Variants in GASK1B observed in about 807,000 individuals in gnomAD.
GASK1B encodes golgi associated kinase 1B, also known as Golgi-associated kinase 1B.
GASK1B carries 34 observed loss-of-function variants against 42.8 expected under a neutral mutation model. The ratio of observed to expected loss-of-function variants is 0.79; its 90% CI spans 0.60 to 1.06. The LOEUF is 1.06. GASK1B is among the 50% of genes least tolerant of loss of function. The pLI, the probability that GASK1B is intolerant of heterozygous loss-of-function variation, is 0.00. For missense variants in GASK1B, 686 were observed against 661.0 expected (o/e 1.04, Z -0.42); for synonymous variants, 262 against 259.1 (o/e 1.01, Z -0.11).
rs1730494216 is a variant in GASK1B, at chr4:158,127,344, G to T, written c.*63C>A. 14 of 1,421,016 alleles carry T rather than the reference G, an allele frequency of 9.9e-6. No individual in the cohort carries two copies. In the South Asian group the frequency reaches 1.2e-4, roughly 13 times the overall value. The allele number at this position is 1,421,016 out of a possible 1,614,324, so 88.0% of individuals were successfully genotyped here. On this transcript the variant is annotated 3_prime_UTR_variant, in exon 5 of 5. Transcript: ENST00000585682. ...AAACGGGCTTGAGGTTGATGTGCTTGATTTAAAAACAAAACCAAAAATGCA... is the reference window on the plus strand; with the variant it reads ...AAACGGGCTTGAGGTTGATGTGCTTTATTTAAAAACAAAACCAAAAATGCA...
Position 158,127,450 on chromosome 4 carries a change from T to C in GASK1B, c.1517A>G (p.Tyr506Cys), listed in dbSNP as rs750057950. 1.5e-5 allele frequency: 24 copies of C among 1,613,626 alleles called. No homozygotes were observed. The highest frequency in any genetic ancestry group is 1.6e-4 in the Middle Eastern group (1 of 6,078). Residue 506 changes from tyrosine (Y) to cysteine (C), a missense_variant, in exon 5 of 5, where the codon TAT becomes TGT. Transcript: ENST00000585682. ...TACTTTGACCCCGTGTGCATTGATA[T>C]AGGTGATAAGAATTTTGGCTCTGTG... The part of the protein sequence containing the change: ...IEHRAKILIT[Y>C]INAHGVKVLP...
chr4:158,159,378 G>C (rs1412012445), intron 2 of GASK1B: 4 of 300,338 alleles, frequency 1.3e-5, no homozygotes, highest in Non-Finnish European at 2.7e-5. Context: ...AGATCTCAGA[G>C]CAATGAGTAC....
chr4:158,130,733 G>A (rs1193993916), intron 4 of GASK1B, 53 bp downstream of exon 4: 2 of 1,337,040 alleles, frequency 1.5e-6, no homozygotes, highest in Non-Finnish European at 2.1e-6. Flanking sequence ...TCAGAACCTT[G>A]CTACTTATCT....
chr4:158,133,478 A>G (rs1730762469), intron 3 of GASK1B, among the ~76,000 whole-genome samples: 2 of 152,194 alleles, frequency 1.3e-5, no homozygotes, highest in Non-Finnish European at 2.9e-5. Flanking sequence ...AAGATACATA[A>G]CTACATTTGT....
In GASK1B at chr4:158,155,843, C is replaced by T. The variant is rs1731740126; in HGVS notation, c.911-18G>A. ...GCGGCCATCTATAGAATCAGAAAAA[C>T]AAACACACTTTCAGCACACTATTGA... On this transcript the variant is annotated intron_variant, in intron 2 of 4. Coordinates refer to ENST00000585682, the MANE Select transcript of GASK1B (RefSeq NM_001128424.2). The T allele has an allele frequency of 1.2e-6, 2 of 1,609,382 alleles. No individual in the cohort carries two copies. The highest frequency in any genetic ancestry group is 1.1e-5 in the South Asian group (1 of 90,896).
rs1412589726 is a variant in GASK1B, at chr4:158,130,901, C to G, written c.1237G>C (p.Ala413Pro). 6.2e-7 allele frequency: 1 copy of G among 1,613,988 alleles called. No homozygotes were observed. The highest frequency in any genetic ancestry group is 8.5e-7 in the Non-Finnish European group (1 of 1,179,994). The change falls in exon 4 of 5, where the codon GCA becomes CCA. Residue 413 changes from alanine to proline, a missense_variant. By Grantham distance (27) the Ala-to-Pro change is conservative. Transcript: ENST00000585682. ...KCDDQGSAAL[A>P]HIIQRKHDPR... ...TCATGCTTTCGCTGGATAATGTGTGCTAGAGCCGCAGAACCTTGGTCATCA... is the reference window on the plus strand; with the variant it reads ...TCATGCTTTCGCTGGATAATGTGTGGTAGAGCCGCAGAACCTTGGTCATCA...
chr4:158,145,734 A>G (rs1458294362), intron 3 of GASK1B, among the ~76,000 whole-genome samples: 2 of 152,200 alleles, frequency 1.3e-5, no homozygotes, highest in East Asian at 3.8e-4. Context: ...GGGCTGGAAA[A>G]TGGTCTCATT....
At chr4:158,154,696 G>A (rs1260572662) in intron 3 of GASK1B, among the ~76,000 whole-genome samples, 1 of 152,148 alleles carries the variant, frequency 6.6e-6, no homozygotes, top group African/African-American at 2.4e-5. Flanking sequence ...ATGAAATAAT[G>A]GCATTTGCAG....
intron 3 of GASK1B, among the ~76,000 whole-genome samples, chr4:158,153,167 T>G (rs1276536601): frequency 6.6e-6 from 1 of 152,076 alleles, no homozygotes; most frequent in African/African-American, 2.4e-5. Flanking sequence ...GATACAAAAT[T>G]AATGTACACA....
At chr4:158,135,416 T>C (rs1294026257) in intron 3 of GASK1B, among the ~76,000 whole-genome samples, 2 of 151,498 alleles carry the variant, frequency 1.3e-5, no homozygotes, top group Admixed American at 1.3e-4. Context: ...AATAGCAGTT[T>C]TATATTGAGT....
At chr4:158,169,881 C>G (rs762631687) in intron 2 of GASK1B, 14 of 204,188 alleles carry the variant, frequency 6.9e-5, no homozygotes, top group Non-Finnish European at 1.3e-4. Context: ...AACCACACAG[C>G]TAGTTAGTAT....
chr4:158,143,172 A>AT (rs1442858193), intron 3 of GASK1B, among the ~76,000 whole-genome samples: 36 of 152,300 alleles, frequency 2.4e-4, no homozygotes, highest in African/African-American at 7.5e-4. Context: ...AATGCCAATT[A>AT]TTTTCTTGAA....
chr4:158,138,157 A>G lies in GASK1B; in HGVS notation c.1126-7145T>C, dbSNP rs575464633. ...TCTATAGCTGCAATGTTTAAAATCC[A>G]TATACTGCACCTCTCAATAAGAACC... On this transcript the variant is annotated intron_variant, in intron 3 of 4. Coordinates refer to ENST00000585682, the MANE Select transcript of GASK1B (RefSeq NM_001128424.2). Among the ~76,000 whole-genome samples, 8 of 152,350 alleles carry G rather than the reference A, an allele frequency of 5.3e-5. No homozygotes were observed. The South Asian group carries it at 1.7e-3, about 32-fold the overall frequency.
intron 2 of GASK1B, among the ~76,000 whole-genome samples, chr4:158,167,680 G>A (rs1732279815): frequency 6.6e-6 from 1 of 152,162 alleles, no homozygotes; most frequent in Admixed American, 6.5e-5. Flanking sequence ...CTGACCTAGA[G>A]AGTAGTGGGA....
intron 3 of GASK1B, among the ~76,000 whole-genome samples, chr4:158,139,559 T>A (rs1320561312): frequency 6.6e-6 from 1 of 152,176 alleles, no homozygotes; most frequent in African/African-American, 2.4e-5. Context: ...CTTCAAACTT[T>A]TGATTTTAGA....
intron 3 of GASK1B, among the ~76,000 whole-genome samples, chr4:158,141,996 C>G: frequency 1.8e-5 from 2 of 109,434 alleles, no homozygotes; most frequent in South Asian, 3.5e-4. Flanking sequence ...GGACTGCGGA[C>G]TGCAGTGGCG....
rs1166360481 is a variant in GASK1B at position 158,170,713 on chromosome 4, G to C, written c.663C>G (p.Ile221Met). 6.8e-6 allele frequency: 11 copies of C among 1,614,220 alleles called. No homozygotes were observed. The highest frequency in any genetic ancestry group is 9.3e-6 in the Non-Finnish European group (11 of 1,180,048). The change falls in exon 2 of 5, where the codon ATC becomes ATG. Residue 221 changes from isoleucine to methionine, a missense_variant. Coordinates refer to ENST00000585682, the MANE Select transcript of GASK1B (RefSeq NM_001128424.2). ...TGTCCGCCAAGAGTCGCATTCTTCGGATGTCATCTTTGCTCAGCCAGGAGG... is the reference window on the plus strand; with the variant it reads ...TGTCCGCCAAGAGTCGCATTCTTCGCATGTCATCTTTGCTCAGCCAGGAGG... ...SAPSWLSKDD[I>M]RRMRLLADSA...
intron 3 of GASK1B, among the ~76,000 whole-genome samples, chr4:158,142,912 A>C (rs74883924): frequency 1.6e-3 from 250 of 152,358 alleles, no homozygotes; most frequent in African/African-American, 5.7e-3. Flanking sequence ...GGAAGAGAGA[A>C]GATATAGAGA....
chr4:158,150,992 C>G (rs1432782300), intron 3 of GASK1B, among the ~76,000 whole-genome samples: 1 of 152,190 alleles, frequency 6.6e-6, no homozygotes, highest in Non-Finnish European at 1.5e-5. Flanking sequence ...TTTCTTCCTC[C>G]TACTCACACT....
Sources: gnomAD v4.1 joint callset for allele counts (sites outside exome capture counted in the v4.1 genomes callset) on GRCh38, gnomAD v4.1.1 for gene constraint, MANE v1.5 for transcripts, NCBI Gene and HGNC (gene_info 2026-07-23, HGNC 2026-07-21) for gene names.